Variants in LRRFIP2 observed in about 807,000 individuals in gnomAD.
LRRFIP2 encodes the protein LRR binding FLII interacting protein 2.
In LRRFIP2, 109 loss-of-function variants were observed where a neutral mutation model predicts 125.9. The observed-to-expected ratio is 0.87, with a 90% confidence interval of 0.74 to 1.01. The LOEUF (loss-of-function observed/expected upper bound fraction) is 1.01. Among genes scored for constraint, LRRFIP2 ranks in the 50% least tolerant of loss-of-function variants. The pLI is 0.00. For synonymous variants in LRRFIP2, 291 were observed against 293.1 expected (o/e 0.99, Z 0.07); for missense variants, 850 against 862.3 (o/e 0.99, Z 0.18).
intron 1 of LRRFIP2, among the ~76,000 whole-genome samples, chr3:37,150,591 T>G (rs1428528698): frequency 6.6e-6 from 1 of 152,118 alleles, no homozygotes; most frequent in Non-Finnish European, 1.5e-5. Context: ...CATCTAACCT[T>G]TGGTTAGATG....
intron 1 of LRRFIP2, among the ~76,000 whole-genome samples, chr3:37,173,747 G>T (rs955879011): frequency 5.3e-5 from 8 of 152,098 alleles, no homozygotes; most frequent in Non-Finnish European, 1.0e-4. Context: ...CTCACACTAG[G>T]AACAGGGTAA....
intron 2 of LRRFIP2, among the ~76,000 whole-genome samples, chr3:37,144,617 C>T (rs2095810258): frequency 6.6e-6 from 1 of 152,136 alleles, no homozygotes; most frequent in Admixed American, 6.5e-5. Flanking sequence ...CACGAAAACA[C>T]ACTCAAATGA....
chr3:37,165,530 G>A (rs1265671876), intron 1 of LRRFIP2, among the ~76,000 whole-genome samples: 3 of 152,044 alleles, frequency 2.0e-5, no homozygotes, highest in Admixed American at 6.6e-5. Context: ...GCCAAGGCAG[G>A]CGGATCACCT....
chr3:37,066,195 A>G, intron 22 of LRRFIP2, 29 bp downstream of exon 22: 1 of 1,568,280 alleles, frequency 6.4e-7, no homozygotes, highest in Admixed American at 1.7e-5. Context: ...ACAGTGAGGG[A>G]CCTGAATTCC....
intron 1 of LRRFIP2, among the ~76,000 whole-genome samples, chr3:37,160,018 A>T (rs2096293723): frequency 6.7e-6 from 1 of 150,276 alleles, no homozygotes; most frequent in African/African-American, 2.5e-5. Context: ...AAAAAAAAAA[A>T]AATTCACTTA....
chr3:37,083,752 G>T lies in LRRFIP2; in HGVS notation c.1162C>A (p.Gln388Lys). ...AAATTGTTCTTCTCATTGTCTAACT[G>T]TGCATTGGAAACCATGGCTTTCTTG... ...KYKKAMVSNA[Q>K]LDNEKNNLIY... is the part of the protein sequence containing the mutation. Residue 388 changes from glutamine to lysine, a missense_variant, in exon 19 of 28, where the codon CAG (glutamine) becomes AAG (lysine). Gln to Lys is a moderately conservative substitution (Grantham distance 53). Transcript: ENST00000336686. 6.3e-7 allele frequency: 1 copy of T among 1,599,938 alleles called. No individual in the cohort carries two copies. Among genetic ancestry groups the T allele is most frequent in the Non-Finnish European group, 8.5e-7 (1 of 1,175,676 alleles).
At chr3:37,141,457 T>C (rs1278608856) in intron 2 of LRRFIP2, among the ~76,000 whole-genome samples, 1 of 152,210 alleles carries the variant, frequency 6.6e-6, no homozygotes, top group Admixed American at 6.5e-5. Flanking sequence ...TACACCCCGG[T>C]GTCTATAGAG....
chr3:37,132,333 A>G (rs906451610), intron 2 of LRRFIP2, among the ~76,000 whole-genome samples: 3 of 152,224 alleles, frequency 2.0e-5, no homozygotes, highest in Non-Finnish European at 4.4e-5. Flanking sequence ...TGCTAATTTT[A>G]TCCTTCTAAG....
chr3:37,126,165 G>T (rs899721088), intron 4 of LRRFIP2, among the ~76,000 whole-genome samples: 7 of 152,098 alleles, frequency 4.6e-5, no homozygotes, highest in African/African-American at 1.7e-4. Context: ...GAGTAGCTGG[G>T]ATTACAGGCG....
At chr3:37,074,961 A>C in intron 20 of LRRFIP2, 63 bp downstream of exon 20, 2 of 1,039,176 alleles carry the variant, frequency 1.9e-6, no homozygotes, top group Non-Finnish European at 3.0e-6. Context: ...CTCCCAACAC[A>C]TCCTCATCCC....
intron 11 of LRRFIP2, 126 bp downstream of exon 11, chr3:37,109,401 G>A: frequency 3.1e-6 from 3 of 969,036 alleles, no homozygotes; most frequent in Non-Finnish European, 4.9e-6. Context: ...AGCACATTCT[G>A]CAGTATACAT....
At chr3:37,096,542 A>G in intron 16 of LRRFIP2, 74 bp downstream of exon 16, 1 of 938,936 alleles carries the variant, frequency 1.1e-6, no homozygotes, top group Admixed American at 2.1e-5. Flanking sequence ...TTGTTGTAAA[A>G]TAAATAATGA....
At chr3:37,108,187 A>G in intron 12 of LRRFIP2, 58 bp from the exon 13 acceptor site, 1 of 1,324,884 alleles carries the variant, frequency 7.5e-7, no homozygotes, top group Non-Finnish European at 1.1e-6. Context: ...TATTCTAATG[A>G]GAATACATTA....
chr3:37,146,824 A>G (rs1042328766), intron 2 of LRRFIP2, among the ~76,000 whole-genome samples: 4 of 152,326 alleles, frequency 2.6e-5, no homozygotes, highest in Admixed American at 2.6e-4. Context: ...AAAAAATTTC[A>G]TGTTCAAAAG....
intron 9 of LRRFIP2, among the ~76,000 whole-genome samples, chr3:37,110,539 G>A (rs1418977233): frequency 6.6e-6 from 1 of 152,032 alleles, no homozygotes; most frequent in Non-Finnish European, 1.5e-5. Flanking sequence ...CTCATGCCAC[G>A]TGTTTACATT....
chr3:37,161,022 T>C (rs2096324482), intron 1 of LRRFIP2, among the ~76,000 whole-genome samples: 1 of 151,824 alleles, frequency 6.6e-6, no homozygotes, highest in Non-Finnish European at 1.5e-5. Context: ...GGCATATCCA[T>C]AAAATGGAAT....
intron 6 of LRRFIP2, among the ~76,000 whole-genome samples, chr3:37,119,116 G>C (rs2094915030): frequency 1.3e-5 from 2 of 152,256 alleles, no homozygotes; most frequent in South Asian, 4.1e-4. Flanking sequence ...AACTGTGTTA[G>C]ATGTGCACTC....
chr3:37,145,655 T>C (rs900419522), intron 2 of LRRFIP2, among the ~76,000 whole-genome samples: 55 of 152,178 alleles, frequency 3.6e-4, no homozygotes, highest in African/African-American at 1.2e-3. Context: ...ATAATATCTA[T>C]CCTACTTAGC....
chr3:37,165,857 G>GAAAGAA (rs754269332), intron 1 of LRRFIP2, among the ~76,000 whole-genome samples: 21 of 123,786 alleles, frequency 1.7e-4, no homozygotes, highest in East Asian at 2.3e-4. Flanking sequence ...AAGAAAGAAA[G>GAAAGAA]AGAAAGAAAG....
Sources: gnomAD v4.1 joint callset for allele counts (sites outside exome capture counted in the v4.1 genomes callset) on GRCh38, gnomAD v4.1.1 for gene constraint, MANE v1.5 for transcripts, NCBI Gene and HGNC (gene_info 2026-07-23, HGNC 2026-07-21) for gene names.